Variants in VILL observed in about 807,000 individuals in gnomAD.
VILL encodes the protein villin like.
Under a neutral mutation model 106.3 loss-of-function variants are expected in VILL, and 102 were observed. That is an observed-to-expected ratio of 0.96 (90% CI 0.82 to 1.13). VILL has a LOEUF of 1.13. Ranked by LOEUF, VILL falls within the 50% of genes most tolerant of loss-of-function variation. The probability of loss-of-function intolerance (pLI) is 0.00; values close to 1 mark genes in which losing one functional copy is unlikely to be tolerated. For missense variants in VILL, 1,076 were observed against 1,116.6 expected, an observed-to-expected ratio of 0.96 and a Z score of 0.52; for synonymous variants, 431 against 440.3, an observed-to-expected ratio of 0.98 and a Z score of 0.27.
chr3:37,994,223 T>C (rs772515899), intron 3 of VILL, 38 bp from the exon 4 acceptor site: 25 of 1,570,880 alleles, frequency 1.6e-5, no homozygotes, highest in Non-Finnish European at 2.2e-5. Flanking sequence ...CACCTCCGTC[T>C]TCCCCGCAAC....
In VILL at chr3:37,998,162, GGAGGAGGT is replaced by G; in HGVS notation, c.843_843+7del. On this transcript the variant is annotated splice_donor_variant and coding_sequence_variant, in exon 8 of 20. Coordinates refer to ENST00000383759, the MANE Select transcript of VILL (RefSeq NM_015873.4). LOFTEE classifies it high-confidence loss of function. The surrounding 1 kb of genome is among the most constrained non-coding windows in gnomAD (Gnocchi z 4.1). The stretch of plus-strand genomic sequence containing the variant: ...CCCCACTGACCCAGGACCTGCTGCA[GGAGGAGGT>G]GAGGAAGGCCTGGCCCCAGCTACTT... 1 of 1,614,010 alleles carries G rather than the reference GGAGGAGGT, an allele frequency of 6.2e-7. No homozygotes were observed. The highest frequency in any genetic ancestry group is 1.1e-5 in the South Asian group (1 of 91,060).
upstream of VILL, among the ~76,000 whole-genome samples, chr3:37,989,784 G>T (rs1434455474): frequency 6.6e-6 from 1 of 152,164 alleles, no homozygotes; most frequent in African/African-American, 2.4e-5. Context: ...ACACACATGA[G>T]GTCGGACAGG....
At chr3:37,993,430 G>GA (rs944253795) in intron 1 of VILL, 157 bp from the exon 2 acceptor site, 364 of 524,806 alleles carry the variant, frequency 6.9e-4, no homozygotes, top group East Asian at 9.0e-4. Context: ...GAAAAAACTG[G>GA]AAAAAAAAAT....
In VILL at chr3:38,005,887, G is replaced by T; in HGVS notation, c.2046G>T (p.Pro682=). 1 of 1,614,122 alleles carries T rather than the reference G, an allele frequency of 6.2e-7. No homozygotes were observed. Among genetic ancestry groups the T allele is most frequent in the Non-Finnish European group, 8.5e-7 (1 of 1,180,000 alleles). The change falls in exon 17 of 20, where the codon CCG becomes CCT. Residue 682 remains proline (P), a synonymous_variant. Coordinates refer to ENST00000383759, the MANE Select transcript of VILL (RefSeq NM_015873.4). ...AGACTCACCCAGCAGGGAGGAGCCC[G>T]GCCACACCCATCGTGCTGGTCAAGC... ...YLKTHPAGRS[P]ATPIVLVKQG...
At position 38,006,952 on chromosome 3, in the gene VILL, C is replaced by G. The variant is rs766488850; in HGVS notation, c.2468C>G (p.Ser823Ter). 1.2e-6 allele frequency: 2 copies of G among 1,613,826 alleles called. No homozygotes were observed. Among genetic ancestry groups the G allele is most frequent in the Non-Finnish European group, 1.7e-6 (2 of 1,179,852 alleles). The change falls in exon 20 of 20, where the codon TCA (serine) becomes TGA (stop). Residue 823 changes from serine to a stop codon, truncating the protein, a stop_gained. Transcript: ENST00000383759. LOFTEE classifies it high-confidence loss of function. ...CTCTCCCCTGCCCAGTTCTATCTCT[C>G]AGACTCTGACTTCCAAGATATCTTT... The part of the protein sequence containing the change: ...VDPARREFYL[S>*]DSDFQDIFGK...
chr3:38,006,957 T>TCTGA lies in VILL; in HGVS notation c.2476_2479dup (p.Phe827Ter). On this transcript the variant is annotated frameshift_variant, in exon 20 of 20. Transcript: ENST00000383759. LOFTEE classifies it high-confidence loss of function. ...CCCTGCCCAGTTCTATCTCTCAGAC[T>TCTGA]CTGACTTCCAAGATATCTTTGGGAA... is the stretch of plus-strand genomic sequence containing the variant. 6.2e-7 allele frequency: 1 copy of TCTGA among 1,614,086 alleles called. No homozygotes were observed. Among genetic ancestry groups the TCTGA allele is most frequent in the Non-Finnish European group, 8.5e-7 (1 of 1,179,956 alleles).
At chr3:38,004,198 C>T in intron 15 of VILL, 57 bp from the exon 16 acceptor site, 1 of 1,561,460 alleles carries the variant, frequency 6.4e-7, no homozygotes, top group Non-Finnish European at 8.7e-7. Flanking sequence ...GGCACTTGTG[C>T]CATGGGCTGG....
Position 37,993,694 on chromosome 3 carries a change from C to T in VILL, c.22C>T (p.Pro8Ser). The change falls in exon 2 of 20, where the codon CCA becomes TCA. Residue 8 changes from proline (P) to serine (S), a missense_variant. Physicochemically the swap from Pro to Ser is moderately conservative, Grantham distance 74 (BLOSUM62 -1). Transcript: ENST00000383759. MDISKGL[P>S]GMQGGLHIWI... is the part of the protein sequence containing the mutation. ...TGCGATGGACATCAGCAAGGGCCTC[C>T]CAGGCATGCAGGGAGGCCTCCACAT... The T allele has an allele frequency of 2.5e-6, 4 of 1,614,024 alleles. No individual in the cohort carries two copies. Among genetic ancestry groups the T allele is most frequent in the Non-Finnish European group, 3.4e-6 (4 of 1,179,950 alleles).
rs1699727614 is a variant in VILL at position 37,997,601 on chromosome 3, T to C, written c.680T>C (p.Leu227Pro). The C allele has an allele frequency of 1.3e-6, 2 of 1,596,264 alleles. No individual in the cohort carries two copies. Among genetic ancestry groups the C allele is most frequent in the Admixed American group, 3.4e-5 (2 of 59,334 alleles). The change falls in exon 7 of 20, where the codon CTG (leucine) becomes CCG (proline). Residue 227 changes from leucine (L) to proline (P), a missense_variant. By Grantham distance (98) the Leu-to-Pro change is moderately conservative. Transcript: ENST00000383759. The surrounding 1 kb of genome is among the most constrained non-coding windows in gnomAD (Gnocchi z 4.7). ...CTCATGCAGATCATGGAGGCTGTGC[T>C]GGGCCGCAGGGTGGGCAGCCTGCGT... Reference protein sequence around the residue: ...PDLMQIMEAVLGRRVGSLRAA... With the variant: ...PDLMQIMEAVPGRRVGSLRAA...
chr3:37,988,385 CTA>C, upstream of VILL: 1 of 152,166 alleles, frequency 6.6e-6, no homozygotes, highest in Non-Finnish European at 1.5e-5. Flanking sequence ...AATTTTCCCT[CTA>C]GTTAGTCAAA....
chr3:38,006,073 T>G, intron 17 of VILL, 99 bp downstream of exon 17: 2 of 1,594,064 alleles, frequency 1.3e-6, no homozygotes, highest in Non-Finnish European at 1.7e-6. Flanking sequence ...GGCTGGGGAT[T>G]GCCAGTGTGT....
intron 15 of VILL, chr3:38,004,037 G>A (rs9311173): frequency 0.23 from 117,195 of 507,936 alleles, 15,826 homozygotes; most frequent in African/African-American, 0.46. Context: ...GGCACCTTGC[G>A]TCACAGCTGG....
intron 1 of VILL, chr3:37,991,309 G>C (rs530620156): frequency 2.0e-5 from 3 of 153,260 alleles, no homozygotes; most frequent in African/African-American, 7.2e-5. Context: ...GAGAGAAGAG[G>C]GGGTGTGTGA....
intron 5 of VILL, among the ~76,000 whole-genome samples, chr3:37,996,589 A>G (rs1699705789): frequency 6.6e-6 from 1 of 152,316 alleles, no homozygotes; most frequent in East Asian, 1.9e-4. Flanking sequence ...ACAATCCCAC[A>G]TAGGCTCTGC....
Position 37,997,428 on chromosome 3 carries a change from T to C in VILL, c.562-55T>C. 6.4e-7 allele frequency: 1 copy of C among 1,574,760 alleles called. No homozygotes were observed. Among genetic ancestry groups the C allele is most frequent in the Non-Finnish European group, 8.7e-7 (1 of 1,152,134 alleles). ...GAGCTGAGCAGTGACAGGAGAAGTC[T>C]CTGCTGTGAGAGGGCACACTGGTGA... On this transcript the variant is annotated intron_variant, in intron 6 of 19. Coordinates refer to ENST00000383759, the MANE Select transcript of VILL (RefSeq NM_015873.4). This position sits in a 1 kb window ranked among gnomAD's most constrained non-coding sequence, Gnocchi z 4.7.
intron 1 of VILL, among the ~76,000 whole-genome samples, chr3:37,992,854 T>TG (rs774276205): frequency 5.3e-5 from 8 of 152,206 alleles, no homozygotes; most frequent in Non-Finnish European, 8.8e-5. Flanking sequence ...AGCCACTCTA[T>TG]GACACCTATT....
At chr3:38,003,415 A>G (rs1421370454) in intron 15 of VILL, 102 bp downstream of exon 15, 5 of 1,393,974 alleles carry the variant, frequency 3.6e-6, no homozygotes, top group African/African-American at 2.9e-5. Flanking sequence ...GCAAGACGAG[A>G]CTAGAACCAA....
In VILL at chr3:37,998,957, G is replaced by A. The variant is rs747925771; in HGVS notation, c.988G>A (p.Val330Met). The change falls in exon 10 of 20, where the codon GTG becomes ATG. Residue 330 changes from valine to methionine, a missense_variant. Val to Met is a conservative substitution (Grantham distance 21, BLOSUM62 1). Coordinates refer to ENST00000383759, the MANE Select transcript of VILL (RefSeq NM_015873.4). This position sits in a 1 kb window ranked among gnomAD's most constrained non-coding sequence, Gnocchi z 4.1. ...CTACCCGACCTACACCAACGTGGAG[G>A]TGGTGAACGACGGCGCCGAGTCGGC... ...KGYPTYTNVE[V>M]VNDGAESAAF... 4 of 1,610,758 alleles carry A rather than the reference G, an allele frequency of 2.5e-6. No homozygotes were observed. In the African/African-American group the frequency reaches 5.4e-5, roughly 22 times the overall value.
rs140065677 is a variant in VILL at position 37,995,751 on chromosome 3, A to T, written c.354A>T (p.Gly118=). The part of the protein sequence containing the change: ...YFRPGIIYRK[G]GLASDLKHVE... The stretch of plus-strand genomic sequence containing the variant: ...ATTCCCACCTCAGCTACAGGAAGGG[A>T]GGCCTAGCATCTGACCTCAAGCATG... Residue 118 remains glycine, a synonymous_variant, in exon 5 of 20, where the codon GGA becomes GGT. Transcript: ENST00000383759. The T allele has an allele frequency of 3.8e-4, 620 of 1,613,666 alleles. 2 individuals carry two copies. In the Middle Eastern group the frequency reaches 4.5e-3, roughly 12 times the overall value.
Sources: allele counts gnomAD v4.1 joint callset (sites outside exome capture counted in the v4.1 genomes callset), GRCh38; gene constraint gnomAD v4.1.1; non-coding constraint Gnocchi (gnomAD v3.1); transcripts MANE v1.5; gene names NCBI Gene and HGNC (gene_info 2026-07-23, HGNC 2026-07-21).